IL1RAPL2: variants seen among roughly 807,000 people sequenced by gnomAD.
IL1RAPL2 encodes interleukin 1 receptor accessory protein like 2, also known as X-linked interleukin-1 receptor accessory protein-like 2.
A neutral mutation model predicts 44.1 loss-of-function variants in IL1RAPL2; 3 were observed. The ratio of observed to expected loss-of-function variants is 0.07; its 90% confidence interval spans 0.03 to 0.18. The LOEUF is 0.18. Among genes scored for constraint, IL1RAPL2 ranks in the 10% least tolerant of loss-of-function variants. The probability of loss-of-function intolerance (pLI) is 1.00; values close to 1 mark genes in which losing one functional copy is unlikely to be tolerated. For synonymous variants in IL1RAPL2, 181 were observed against 178.8 expected, an observed-to-expected ratio of 1.01 and a Z score of -0.10; for missense variants, 391 against 496.4, an observed-to-expected ratio of 0.79 and a Z score of 2.02.
At chrX:105,281,539 G>A (rs756751388) in intron 5 of IL1RAPL2, among the ~76,000 whole-genome samples, 2 of 111,896 alleles carry the variant, frequency 1.8e-5, no homozygotes, top group Non-Finnish European at 3.8e-5. Flanking sequence ...ATATAAAACG[G>A]TGGTCCCATA....
intron 2 of IL1RAPL2, among the ~76,000 whole-genome samples, chrX:104,884,803 A>G (rs1923184861): frequency 9.0e-6 from 1 of 111,583 alleles, no homozygotes; most frequent in Non-Finnish European, 1.9e-5. Flanking sequence ...AGGACATCTC[A>G]GCTTACCCCC....
chrX:105,220,319 T>C lies in IL1RAPL2; in HGVS notation c.357-13499T>C, dbSNP rs782091176. ...TAGAACTCGGGGCCTTTCGTGTGCC[T>C]GGCCATTTTCTCGTTGATGAAGGCC... On this transcript the variant is annotated intron_variant, in intron 3 of 10. Transcript: ENST00000372582. 45 of 1,207,737 alleles carry C rather than the reference T, an allele frequency of 3.7e-5. No individual in the cohort carries two copies. The East Asian group carries it at 1.2e-3, about 32-fold the overall frequency.
chrX:105,128,485 G>A (rs1369928045), intron 2 of IL1RAPL2, among the ~76,000 whole-genome samples: 1 of 110,779 alleles, frequency 9.0e-6, no homozygotes, highest in Non-Finnish European at 1.9e-5. Context: ...ACACTTCTCT[G>A]CACTCTCACT....
intron 2 of IL1RAPL2, among the ~76,000 whole-genome samples, chrX:105,168,076 T>C (rs1466182585): frequency 3.6e-5 from 4 of 111,533 alleles, no homozygotes; most frequent in Non-Finnish European, 7.5e-5. Context: ...CTTAATGAAG[T>C]AATATAATCC....
At chrX:104,941,727 A>T (rs1405118865) in intron 2 of IL1RAPL2, among the ~76,000 whole-genome samples, 1 of 110,816 alleles carries the variant, frequency 9.0e-6, no homozygotes. Context: ...GTCAATTTTG[A>T]CTTTTGTTGC....
In IL1RAPL2 at chrX:104,975,856, T is replaced by C. The variant is rs186281931; in HGVS notation, c.83-219619T>C. On this transcript the variant is annotated intron_variant, in intron 2 of 10. Transcript: ENST00000372582. ...CTGATGACCTTGGGGTGAGATCCTT[T>C]GTTAGAGAACTGGTAGGACTCCTCT... Among the ~76,000 whole-genome samples, 6 of 110,935 alleles carry C rather than the reference T, an allele frequency of 5.4e-5. No individual in the cohort carries two copies. In the Admixed American group the frequency reaches 5.8e-4, roughly 11 times the overall value.
At chrX:104,726,590 T>C (rs967869011) in intron 2 of IL1RAPL2, among the ~76,000 whole-genome samples, 7 of 111,204 alleles carry the variant, frequency 6.3e-5, no homozygotes, top group Non-Finnish European at 1.1e-4. Flanking sequence ...TTAAAGAGGT[T>C]CTTCACATCT....
At chrX:104,815,786 C>T (rs1921115636) in intron 2 of IL1RAPL2, among the ~76,000 whole-genome samples, 1 of 108,942 alleles carries the variant, frequency 9.2e-6, no homozygotes, top group Non-Finnish European at 1.9e-5. Context: ...TCTTCACCCT[C>T]TGCTTTATAG....
chrX:104,905,397 G>C (rs1239708553), intron 2 of IL1RAPL2, among the ~76,000 whole-genome samples: 1 of 111,481 alleles, frequency 9.0e-6, no homozygotes, highest in Non-Finnish European at 1.9e-5. Flanking sequence ...GTCCTGAATG[G>C]TAATGCCTAG....
At chrX:104,895,212 A>T (rs1219937959) in intron 2 of IL1RAPL2, among the ~76,000 whole-genome samples, 1 of 112,365 alleles carries the variant, frequency 8.9e-6, no homozygotes, top group East Asian at 2.8e-4. Flanking sequence ...GGTGCCTCCC[A>T]GTTAGACTAC....
At chrX:105,219,803 C>A (rs1556177742) in intron 3 of IL1RAPL2, 1 of 1,140,924 alleles carries the variant, frequency 8.8e-7, no homozygotes, top group South Asian at 2.0e-5. Context: ...GGGGGCAAGG[C>A]GGGAGCACTA....
intron 6 of IL1RAPL2, among the ~76,000 whole-genome samples, chrX:105,655,957 T>C (rs656): frequency 0.34 from 37,810 of 111,022 alleles, 4,821 homozygotes; most frequent in Middle Eastern, 0.37. Context: ...ACTTATCCTT[T>C]GAGTTACAAA....
At chrX:105,562,104 T>C (rs1247446724) in intron 6 of IL1RAPL2, among the ~76,000 whole-genome samples, 1 of 111,733 alleles carries the variant, frequency 8.9e-6, no homozygotes, top group Non-Finnish European at 1.9e-5. Context: ...CCGTGTTATA[T>C]ATGCCTTGAT....
Position 105,122,463 on chromosome X carries a change from G to A in IL1RAPL2, c.83-73012G>A, listed in dbSNP as rs776597293. On this transcript the variant is annotated intron_variant, in intron 2 of 10. Transcript: ENST00000372582. ...AAAGTAAAACCCAAGCCATACCAGA[G>A]ACAGACAGTATCCATAGAGTGACCA... Among the ~76,000 whole-genome samples, 54 of 111,279 alleles carry A rather than the reference G, an allele frequency of 4.9e-4. 1 individual carries two copies. Among genetic ancestry groups the A allele is most frequent in the Admixed American group, 9.5e-5 (1 of 10,475 alleles).
intron 4 of IL1RAPL2, among the ~76,000 whole-genome samples, chrX:105,244,359 A>C (rs1037702344): frequency 1.8e-5 from 2 of 111,720 alleles, no homozygotes; most frequent in Non-Finnish European, 3.8e-5. Context: ...TCCAAAAGCC[A>C]AATTTTATAC....
In IL1RAPL2 at chrX:105,265,758, G is replaced by T. The variant is rs770764802; in HGVS notation, c.544-1630G>T. On this transcript the variant is annotated intron_variant, in intron 4 of 10. Transcript: ENST00000372582. ...GAAAAAAAATGTTATGAAAAAAATG[G>T]GTACTCGCTGTCTCAGATCACTTAC... Among the ~76,000 whole-genome samples the T allele has an allele frequency of 2.7e-5, 3 of 110,522 alleles. No homozygotes were observed. In the East Asian group the frequency reaches 8.5e-4, roughly 31 times the overall value.
intron 1 of IL1RAPL2, among the ~76,000 whole-genome samples, chrX:104,642,971 C>T (rs913540862): frequency 8.9e-6 from 1 of 111,981 alleles, no homozygotes; most frequent in South Asian, 3.7e-4. Flanking sequence ...GTACATGAGT[C>T]TGACTGTATT....
At chrX:104,879,118 A>ATTTTAGAC in intron 2 of IL1RAPL2, among the ~76,000 whole-genome samples, 1 of 110,437 alleles carries the variant, frequency 9.1e-6, no homozygotes, top group East Asian at 2.8e-4. Context: ...CTCTGGTTTG[A>ATTTTAGAC]TTTTAGACTT....
At chrX:104,668,870 C>A (rs898172744) in intron 2 of IL1RAPL2, among the ~76,000 whole-genome samples, 1 of 110,454 alleles carries the variant, frequency 9.1e-6, no homozygotes, top group African/African-American at 3.3e-5. Context: ...TCTTTGAACA[C>A]ATTTACTAAG....
Sources: gnomAD v4.1 joint callset for allele counts (sites outside exome capture counted in the v4.1 genomes callset) on GRCh38, gnomAD v4.1.1 for gene constraint, MANE v1.5 for transcripts, NCBI Gene and HGNC (gene_info 2026-07-23, HGNC 2026-07-21) for gene names.